Variants in SEC14L5 observed in about 807,000 individuals in gnomAD.
SEC14L5 encodes the protein SEC14 like lipid binding 5.
A neutral mutation model predicts 84.6 loss-of-function variants in SEC14L5; 96 were observed. The ratio of observed to expected loss-of-function variants is 1.13; its 90% CI spans 0.96 to 1.34. The LOEUF (loss-of-function observed/expected upper bound fraction) is 1.34, where lower values mean the gene tolerates loss of function less well. Ranked by LOEUF, SEC14L5 falls within the 40% of genes most tolerant of loss-of-function variation. The pLI is 0.00. For missense variants in SEC14L5, 1,224 were observed against 942.5 expected, an observed-to-expected ratio of 1.30 and a Z score of -3.91; for synonymous variants, 546 against 383.4, an observed-to-expected ratio of 1.42 and a Z score of -4.95.
chr16:4,974,555 A>T (rs905723391), intron 2 of SEC14L5, among the ~76,000 whole-genome samples: 2 of 151,406 alleles, frequency 1.3e-5, no homozygotes, highest in African/African-American at 2.4e-5. Flanking sequence ...TTATATTTTA[A>T]TTTTTTAAAA....
chr16:4,993,822 A>C (rs1244467647), intron 6 of SEC14L5, among the ~76,000 whole-genome samples: 1 of 152,176 alleles, frequency 6.6e-6, no homozygotes, highest in African/African-American at 2.4e-5. Context: ...TCTATTCCTG[A>C]CTTCACTCCA....
rs572001186 is a variant in SEC14L5 at position 4,988,430 on chromosome 16, G to T, written c.345+150G>T. On this transcript the variant is annotated intron_variant, in intron 4 of 15. Transcript: ENST00000251170. Reference sequence around the variant, plus strand: ...CAAGAAAGATGCAGGATGCTTGGTTGCCTTTGCATTCCGATGAACAACCCA... The same window carrying T: ...CAAGAAAGATGCAGGATGCTTGGTTTCCTTTGCATTCCGATGAACAACCCA... 3 of 973,802 alleles carry T rather than the reference G, an allele frequency of 3.1e-6. No homozygotes were observed. In the African/African-American group the frequency reaches 4.9e-5, roughly 16 times the overall value. The allele number at this position is 973,802 out of a possible 1,614,324, so 60.3% of individuals were successfully genotyped here. A position where few individuals can be genotyped will look rare whatever the true frequency, so the allele number is the denominator to read the frequency against.
rs79466468 is a variant in SEC14L5, at chr16:4,994,045, G to A, written c.667+2015G>A. On this transcript the variant is annotated intron_variant, in intron 6 of 15. Transcript: ENST00000251170. The stretch of plus-strand genomic sequence containing the variant: ...CTTATTTGCCCATTGCTTTCTTATT[G>A]GTTTGTAAGAGCTCTTTGTATATGA... Among the ~76,000 whole-genome samples the A allele has an allele frequency of 6.6e-4, 95 of 143,882 alleles. 2 individuals carry two copies. The East Asian group carries it at 0.016, about 24-fold the overall frequency. 94.4% of individuals were successfully genotyped at this position (143,882 alleles called of 152,430 possible). A position where few individuals can be genotyped will look rare whatever the true frequency, so the allele number is the denominator to read the frequency against.
rs537467628 is a variant in SEC14L5 at position 4,966,054 on chromosome 16, T to TA, written c.63+6676dup. 8.5e-3 allele frequency among the ~76,000 whole-genome samples: 1,297 copies of TA among 151,928 alleles called. 15 individuals carry two copies. The highest frequency in any genetic ancestry group is 0.03 in the African/African-American group (1,238 of 41,408). On this transcript the variant is annotated intron_variant, in intron 2 of 15. Coordinates refer to ENST00000251170, the MANE Select transcript of SEC14L5 (RefSeq NM_014692.2). ...GAGACCCTGCCTCAAAAAATAAAAT[T>TA]AAAAAAAATGTTAAAAATGTTAAAA...
In SEC14L5 at chr16:4,996,897, G is replaced by A; in HGVS notation, c.823G>A (p.Asp275Asn). The A allele has an allele frequency of 1.2e-6, 2 of 1,613,682 alleles. No individual in the cohort carries two copies. The highest frequency in any genetic ancestry group is 1.7e-6 in the Non-Finnish European group (2 of 1,179,804). The part of the protein sequence containing the change: ...EHILRFLRAH[D>N]FHLDKAREML... ...CATCCTTCGGTTCCTGCGGGCTCAT[G>A]ACTTCCACCTGGACAAGGCCCGGGA... The change falls in exon 8 of 16, where the codon GAC becomes AAC. Residue 275 changes from aspartate (D) to asparagine (N), a missense_variant. Coordinates refer to ENST00000251170, the MANE Select transcript of SEC14L5 (RefSeq NM_014692.2).
At chr16:4,964,094 A>G (rs1474814968) in intron 2 of SEC14L5, among the ~76,000 whole-genome samples, 2 of 152,216 alleles carry the variant, frequency 1.3e-5, no homozygotes, top group African/African-American at 2.4e-5. Context: ...CAGCTGGAGT[A>G]TCCAGTGTTG....
chr16:4,996,204 C>A, intron 6 of SEC14L5, 144 bp from the exon 7 acceptor site: 1 of 580,932 alleles, frequency 1.7e-6, no homozygotes, highest in East Asian at 2.9e-5. Context: ...AGTCCGGTGG[C>A]TGCTGTCTGG....
In SEC14L5 at chr16:5,003,515, C is replaced by A. The variant is rs767784111; in HGVS notation, c.1244C>A (p.Thr415Asn). 6.4e-7 allele frequency: 1 copy of A among 1,554,240 alleles called. No individual in the cohort carries two copies. ...GTGGTTGAGGACAATTACCCAGAGACCCTGGGTCGGCTGCTCATCGTGCGA... is the reference window on the plus strand; with the variant it reads ...GTGGTTGAGGACAATTACCCAGAGAACCTGGGTCGGCTGCTCATCGTGCGA... ...IEVVEDNYPE[T>N]LGRLLIVRAP... Residue 415 changes from threonine (T) to asparagine (N), a missense_variant, in exon 11 of 16, where the codon ACC (threonine) becomes AAC (asparagine). Thr to Asn is a moderately conservative substitution (Grantham distance 65). Transcript: ENST00000251170.
chr16:5,000,537 G>C (rs1369932690), intron 8 of SEC14L5, 118 bp from the exon 9 acceptor site: 1 of 713,672 alleles, frequency 1.4e-6, no homozygotes, highest in African/African-American at 1.8e-5. Flanking sequence ...AGGCTGGATC[G>C]GGCCTTGGTG....
rs1049951817 is a variant in SEC14L5, at chr16:5,018,167, C to G, written c.*3197C>G. 2.7e-4 allele frequency: 41 copies of G among 152,238 alleles called. 1 individual carries two copies. Among genetic ancestry groups the G allele is most frequent in the Non-Finnish European group, 5.9e-5 (4 of 68,058 alleles). The allele number at this position is 152,238 out of a possible 1,614,324, so 9.4% of individuals were successfully genotyped here. ...GTAGTGGGACGAAATGAGGGAGTAG[C>G]TGTAAAGCTTTCAGCACAGCTCCCA... On this transcript the variant is annotated 3_prime_UTR_variant, in exon 16 of 16. Transcript: ENST00000251170.
intron 15 of SEC14L5, 45 bp downstream of exon 15, chr16:5,011,318 G>C (rs1179632083): frequency 1.2e-5 from 19 of 1,578,916 alleles, no homozygotes; most frequent in Non-Finnish European, 1.6e-5. Context: ...AGGACCCTGG[G>C]GCTGATTGAC....
In SEC14L5 at chr16:5,017,179, C is replaced by CGG. The variant is rs1955884451; in HGVS notation, c.*2211_*2212dup. On this transcript the variant is annotated 3_prime_UTR_variant, in exon 16 of 16. Coordinates refer to ENST00000251170, the MANE Select transcript of SEC14L5 (RefSeq NM_014692.2). ...AAGCTGGAACTGCCTGTTCCAGAGG[C>CGG]GGGTGGGGGGAGGGGAGTCTGCTAT... 1 of 22,380 alleles carries CGG rather than the reference C, an allele frequency of 4.5e-5. No homozygotes were observed. The highest frequency in any genetic ancestry group is 9.5e-5 in the Non-Finnish European group (1 of 10,560). 1.4% of individuals were successfully genotyped at this position (22,380 alleles called of 1,614,324 possible). A position where few individuals can be genotyped will look rare whatever the true frequency, so the allele number is the denominator to read the frequency against.
chr16:4,986,945 G>A (rs75552383), intron 2 of SEC14L5, among the ~76,000 whole-genome samples: 1 of 152,042 alleles, frequency 6.6e-6, no homozygotes, highest in African/African-American at 2.4e-5. Flanking sequence ...GGATGCTTTA[G>A]GATTTTCTAT....
At chr16:5,007,005 G>GC (rs564134615) in intron 12 of SEC14L5, among the ~76,000 whole-genome samples, 2 of 152,176 alleles carry the variant, frequency 1.3e-5, no homozygotes, top group South Asian at 4.1e-4. Flanking sequence ...GTGTGGAGAG[G>GC]CCCCCCAGCC....
At chr16:4,990,249 G>A (rs35085465) in intron 4 of SEC14L5, among the ~76,000 whole-genome samples, 21,227 of 151,552 alleles carry the variant, frequency 0.14, 2,208 homozygotes, top group East Asian at 0.53. Context: ...TGCAACCTCC[G>A]CCTCCCAGGT....
intron 2 of SEC14L5, among the ~76,000 whole-genome samples, chr16:4,962,446 G>C (rs192440322): frequency 1.3e-5 from 2 of 152,232 alleles, no homozygotes; most frequent in East Asian, 3.9e-4. Context: ...CCAACACTTT[G>C]GGAGGCTAAG....
intron 15 of SEC14L5, among the ~76,000 whole-genome samples, chr16:5,014,482 A>G (rs1041086419): frequency 6.6e-6 from 1 of 152,254 alleles, no homozygotes; most frequent in African/African-American, 2.4e-5. Context: ...CTTCTGCCTC[A>G]GGCTCAGCGC....
chr16:4,976,451 T>C (rs566341142), intron 2 of SEC14L5, among the ~76,000 whole-genome samples: 1 of 152,360 alleles, frequency 6.6e-6, no homozygotes, highest in East Asian at 1.9e-4. Flanking sequence ...GATGACCCTA[T>C]TTCAGTAGTT....
chr16:4,960,967 T>G (rs1955113535), intron 2 of SEC14L5, among the ~76,000 whole-genome samples: 1 of 152,058 alleles, frequency 6.6e-6, no homozygotes, highest in South Asian at 2.1e-4. Flanking sequence ...TGGTTGTATG[T>G]TTTTAGAAAG....
Sources: gnomAD v4.1 joint callset for allele counts (sites outside exome capture counted in the v4.1 genomes callset) on GRCh38, gnomAD v4.1.1 for gene constraint, MANE v1.5 for transcripts, NCBI Gene and HGNC (gene_info 2026-07-23, HGNC 2026-07-21) for gene names.